The following PALLD variants were observed in gnomAD, a reference collection of about 807,000 sequenced individuals.
The protein encoded by PALLD is palladin.
Under a neutral mutation model 123.5 loss-of-function variants are expected in PALLD, and 61 were observed. That is an observed-to-expected ratio of 0.49 (90% CI 0.40 to 0.61). The LOEUF is 0.61. Among genes scored for constraint, PALLD ranks in the 20% least tolerant of loss-of-function variants. PALLD has a pLI of 0.00. For synonymous variants in PALLD, 465 were observed against 496.4 expected, an observed-to-expected ratio of 0.94 and a Z score of 0.84; for missense variants, 1,273 against 1,377.0, an observed-to-expected ratio of 0.92 and a Z score of 1.20.
intron 2 of PALLD, among the ~76,000 whole-genome samples, chr4:168,645,413 C>T (rs904224088): frequency 5.9e-5 from 9 of 152,282 alleles, no homozygotes; most frequent in East Asian, 1.9e-4. Context: ...GGGGTGTTTG[C>T]GAACAGCGTC....
At chr4:168,755,014 T>C (rs569614045) in intron 10 of PALLD, among the ~76,000 whole-genome samples, 67 of 152,146 alleles carry the variant, frequency 4.4e-4, no homozygotes, top group South Asian at 1.2e-3. Flanking sequence ...GGGCGGATCA[T>C]GAGGTCAGGA....
chr4:168,835,586 C>T (rs1177002317), intron 10 of PALLD, among the ~76,000 whole-genome samples: 2 of 151,046 alleles, frequency 1.3e-5, no homozygotes, highest in Middle Eastern at 3.3e-3. Flanking sequence ...TGAGATTGCA[C>T]GAATTTAAGG....
intron 2 of PALLD, among the ~76,000 whole-genome samples, chr4:168,550,653 G>A (rs942655215): frequency 2.6e-5 from 4 of 152,170 alleles, no homozygotes; most frequent in East Asian, 1.9e-4. Flanking sequence ...CTATGGGGGC[G>A]CCCTCTTTGG....
At chr4:168,861,493 G>A (rs1288765426) in intron 10 of PALLD, among the ~76,000 whole-genome samples, 1 of 151,900 alleles carries the variant, frequency 6.6e-6, no homozygotes. Flanking sequence ...AAGAGCAGAG[G>A]TTTTTAATTT....
At chr4:168,899,550 TAACC>T (rs1173456799) in intron 14 of PALLD, among the ~76,000 whole-genome samples, 2 of 152,102 alleles carry the variant, frequency 1.3e-5, no homozygotes, top group Non-Finnish European at 2.9e-5. Context: ...TGTGAAGAAA[TAACC>T]ATGAGGAGAG....
chr4:168,541,014 A>G (rs2149508617), intron 2 of PALLD, among the ~76,000 whole-genome samples: 1 of 152,340 alleles, frequency 6.6e-6, no homozygotes. Flanking sequence ...TAGTCTCCAA[A>G]TTCCCTGTGG....
intron 6 of PALLD, 47 bp downstream of exon 6, chr4:168,685,606 A>C (rs780119133): frequency 7.9e-7 from 1 of 1,258,404 alleles, no homozygotes; most frequent in East Asian, 2.3e-5. Flanking sequence ...TTGGTCCTTA[A>C]ATTTCATTTA....
At chr4:168,848,695 TGAAAG>T (rs902620978) in intron 10 of PALLD, among the ~76,000 whole-genome samples, 2 of 152,198 alleles carry the variant, frequency 1.3e-5, no homozygotes, top group South Asian at 4.1e-4. Flanking sequence ...CTTAAACAGT[TGAAAG>T]GAAAGGCTTA....
intron 10 of PALLD, among the ~76,000 whole-genome samples, chr4:168,740,115 TAA>T (rs368981755): frequency 6.7e-6 from 1 of 148,682 alleles, no homozygotes; most frequent in Non-Finnish European, 1.5e-5. Flanking sequence ...GCTTCCTGTA[TAA>T]AAAAAAAACT....
At chr4:168,880,095 G>A (rs1476303292) in intron 10 of PALLD, among the ~76,000 whole-genome samples, 3 of 152,204 alleles carry the variant, frequency 2.0e-5, no homozygotes, top group African/African-American at 7.2e-5. Context: ...CAAAGGTGGT[G>A]ATGATTGTGC....
chr4:168,833,954 T>C (rs1744726013), intron 10 of PALLD, among the ~76,000 whole-genome samples: 1 of 147,250 alleles, frequency 6.8e-6, no homozygotes, highest in South Asian at 2.2e-4. Flanking sequence ...CCTTGAACCA[T>C]AAACATACGA....
intron 2 of PALLD, among the ~76,000 whole-genome samples, chr4:168,523,941 C>G (rs1294178911): frequency 6.6e-6 from 1 of 152,156 alleles, no homozygotes; most frequent in Non-Finnish European, 1.5e-5. Context: ...TTGTCATTCT[C>G]CTAGTAATAC....
intron 2 of PALLD, among the ~76,000 whole-genome samples, chr4:168,553,362 A>G (rs940937772): frequency 2.3e-4 from 35 of 152,240 alleles, no homozygotes; most frequent in Non-Finnish European, 2.9e-4. Flanking sequence ...AAGCAAACAG[A>G]GTCTAAGTCC....
intron 15 of PALLD, among the ~76,000 whole-genome samples, chr4:168,911,176 C>G (rs1436440373): frequency 1.3e-5 from 2 of 152,252 alleles, no homozygotes; most frequent in East Asian, 3.9e-4. Context: ...AAGGCTTGAA[C>G]AAATTCAGTG....
At chr4:168,572,649 CT>C (rs1406541493) in intron 2 of PALLD, among the ~76,000 whole-genome samples, 1 of 151,888 alleles carries the variant, frequency 6.6e-6, no homozygotes, top group Non-Finnish European at 1.5e-5. Context: ...CATCTAGCCA[CT>C]TGCTTAAAGC....
chr4:168,741,223 A>G (rs1210284472), intron 10 of PALLD, among the ~76,000 whole-genome samples: 1 of 152,250 alleles, frequency 6.6e-6, no homozygotes, highest in African/African-American at 2.4e-5. Context: ...GAAATTACAG[A>G]GAATAGTGAC....
In PALLD at chr4:168,542,717, C is replaced by CATATAT. The variant is rs70961531; in HGVS notation, c.908+30346_908+30351dup. Among the ~76,000 whole-genome samples the CATATAT allele has an allele frequency of 9.0e-3, 791 of 88,280 alleles. 17 individuals are homozygous for CATATAT. Among genetic ancestry groups the CATATAT allele is most frequent in the African/African-American group, 0.011 (184 of 16,736 alleles). 57.9% of individuals were successfully genotyped at this position (88,280 alleles called of 152,430 possible). A position where few individuals can be genotyped will look rare whatever the true frequency, so the allele number is the denominator to read the frequency against. On this transcript the variant is annotated intron_variant, in intron 2 of 21. Coordinates refer to ENST00000505667, the MANE Select transcript of PALLD (RefSeq NM_001166108.2). ...ACATGTTTCTCCCAGCTAACCTTTC[C>CATATAT]ATATATATATATATATATATATATA... is the stretch of plus-strand genomic sequence containing the variant.
chr4:168,792,742 T>C (rs747284424), intron 10 of PALLD, among the ~76,000 whole-genome samples: 9 of 152,050 alleles, frequency 5.9e-5, no homozygotes, highest in Non-Finnish European at 1.0e-4. Context: ...AGATAAATTC[T>C]ATTTAATCTT....
At position 168,915,142 on chromosome 4, in the gene PALLD, T is replaced by G. The variant is rs141828557; in HGVS notation, c.2718-753T>G. Among the ~76,000 whole-genome samples the G allele has an allele frequency of 4.8e-3, 733 of 152,376 alleles. 6 individuals are homozygous for G. The highest frequency in any genetic ancestry group is 5.5e-3 in the Admixed American group (84 of 15,308). On this transcript the variant is annotated intron_variant, in intron 16 of 21. Transcript: ENST00000505667. Reference sequence around the variant, plus strand: ...AGAAGGGTAAACTATATTAAAAAGCTAATAATTATTAGCCTAGTATGCTTC... The same window carrying G: ...AGAAGGGTAAACTATATTAAAAAGCGAATAATTATTAGCCTAGTATGCTTC...
Sources: gnomAD v4.1 joint callset for allele counts (sites outside exome capture counted in the v4.1 genomes callset) on GRCh38, gnomAD v4.1.1 for gene constraint, MANE v1.5 for transcripts, NCBI Gene and HGNC (gene_info 2026-07-23, HGNC 2026-07-21) for gene names.